The following METTL8 variants were observed in gnomAD, a reference collection of about 807,000 sequenced individuals.
METTL8 encodes tRNA N(3)-cytidine methyltransferase METTL8, mitochondrial.
In METTL8, 32 loss-of-function variants were observed where a neutral mutation model predicts 48.7. The observed-to-expected ratio is 0.66, with a 90% CI of 0.50 to 0.88. The LOEUF is 0.88. Ranked by LOEUF, METTL8 falls within the 40% of genes least tolerant of loss-of-function variation. METTL8 has a pLI of 0.00. For missense variants in METTL8, 464 were observed against 474.4 expected (o/e 0.98, Z 0.20); for synonymous variants, 136 against 157.1 (o/e 0.87, Z 1.01).
chr2:171,358,610 G>A (rs1272332467), intron 3 of METTL8, among the ~76,000 whole-genome samples: 1 of 152,106 alleles, frequency 6.6e-6, no homozygotes, highest in African/African-American at 2.4e-5. Flanking sequence ...AAAACTGTAA[G>A]CAGAAGAATG....
chr2:171,358,090 C>T (rs966347928), intron 3 of METTL8, among the ~76,000 whole-genome samples: 1 of 152,088 alleles, frequency 6.6e-6, no homozygotes, highest in African/African-American at 2.4e-5. Context: ...GTGGCTCACA[C>T]CTGTAATCCC....
intron 5 of METTL8, among the ~76,000 whole-genome samples, chr2:171,333,167 C>T (rs533703244): frequency 4.6e-5 from 7 of 150,828 alleles, no homozygotes; most frequent in Admixed American, 1.3e-4. Flanking sequence ...GGTGCAATCT[C>T]GGCTCACTGC....
rs1011628774 is a variant in METTL8, at chr2:171,320,031, A to G, written c.*4141T>C. Reference sequence around the variant, plus strand: ...GATGTGAGGGGTAAATTAGAATTTCATGCAGTTATCAAATATTTTAAACTA... The same window carrying G: ...GATGTGAGGGGTAAATTAGAATTTCGTGCAGTTATCAAATATTTTAAACTA... On this transcript the variant is annotated 3_prime_UTR_variant, in exon 10 of 10. Coordinates refer to ENST00000375258, the MANE Select transcript of METTL8 (RefSeq NM_001321154.2). 2 of 152,176 alleles carry G rather than the reference A, an allele frequency of 1.3e-5. No homozygotes were observed. Among genetic ancestry groups the G allele is most frequent in the African/African-American group, 4.8e-5 (2 of 41,442 alleles). The allele number at this position is 152,176 out of a possible 1,614,324, so 9.4% of individuals were successfully genotyped here.
chr2:171,366,213 A>G (rs1685701929), intron 2 of METTL8, among the ~76,000 whole-genome samples: 1 of 152,214 alleles, frequency 6.6e-6, no homozygotes, highest in Non-Finnish European at 1.5e-5. Context: ...GCTTGGTGAC[A>G]TTGGAGTTCT....
chr2:171,355,131 G>A (rs1044029393), intron 3 of METTL8, among the ~76,000 whole-genome samples: 7 of 152,134 alleles, frequency 4.6e-5, no homozygotes, highest in Non-Finnish European at 7.4e-5. Flanking sequence ...TCATGGTGAC[G>A]TACAGATGGG....
At chr2:171,352,851 TTC>T (rs1684091412) in intron 3 of METTL8, among the ~76,000 whole-genome samples, 1 of 152,254 alleles carries the variant, frequency 6.6e-6, no homozygotes. Context: ...TGTTTGATTC[TTC>T]TCTCTTTTCT....
At chr2:171,349,298 G>T (rs1683621468) in intron 3 of METTL8, among the ~76,000 whole-genome samples, 1 of 152,106 alleles carries the variant, frequency 6.6e-6, no homozygotes, top group African/African-American at 2.4e-5. Context: ...GGATTAAGAG[G>T]CAATTGTCCT....
chr2:171,342,561 A>G (rs754293816), intron 3 of METTL8, among the ~76,000 whole-genome samples: 5 of 152,192 alleles, frequency 3.3e-5, no homozygotes, highest in Non-Finnish European at 7.3e-5. Flanking sequence ...GAGAAATTAT[A>G]AAAGAGTCAA....
intron 5 of METTL8, among the ~76,000 whole-genome samples, chr2:171,335,891 T>C (rs920411987): frequency 3.9e-5 from 6 of 152,186 alleles, no homozygotes; most frequent in African/African-American, 1.4e-4. Flanking sequence ...TTCTGCAACG[T>C]GCTAATGCTG....
intron 2 of METTL8, among the ~76,000 whole-genome samples, chr2:171,383,683 T>C (rs939873916): frequency 1.3e-5 from 2 of 152,318 alleles, no homozygotes; most frequent in South Asian, 2.1e-4. Context: ...ACCAAGAACA[T>C]TGTGAATAAG....
chr2:171,402,564 G>GTT (rs544659892), intron 1 of METTL8, among the ~76,000 whole-genome samples: 127 of 152,118 alleles, frequency 8.3e-4, no homozygotes, highest in Admixed American at 3.1e-3. Flanking sequence ...ATATACATAC[G>GTT]TTATATATAG....
intron 5 of METTL8, among the ~76,000 whole-genome samples, chr2:171,336,932 C>T (rs569415823): frequency 7.2e-5 from 10 of 139,734 alleles, no homozygotes; most frequent in African/African-American, 2.7e-4. Flanking sequence ...TGCAATGGCG[C>T]AGTCGGGTCA....
intron 2 of METTL8, among the ~76,000 whole-genome samples, chr2:171,386,004 C>T (rs1688014942): frequency 6.6e-6 from 1 of 152,194 alleles, no homozygotes; most frequent in African/African-American, 2.4e-5. Context: ...TACCTCTAGA[C>T]CTACTGAAAT....
At chr2:171,404,041 C>T (rs1689902658) in intron 1 of METTL8, among the ~76,000 whole-genome samples, 1 of 97,138 alleles carries the variant, frequency 1.0e-5, no homozygotes, top group Non-Finnish European at 1.9e-5. Context: ...CCTATACATA[C>T]TATGCTTTCT....
intron 2 of METTL8, among the ~76,000 whole-genome samples, chr2:171,367,757 G>A (rs1243073204): frequency 5.3e-5 from 8 of 152,154 alleles, no homozygotes; most frequent in Admixed American, 5.2e-4. Context: ...AAATGTTGGA[G>A]GGATGACAAG....
rs577608432 is a variant in METTL8 at position 171,322,872 on chromosome 2, T to G, written c.*1300A>C. ...TATATGCTACACAAGGGGTGGATTA[T>G]TCAGGCCTCCCCTTTGTAGACCATA... On this transcript the variant is annotated 3_prime_UTR_variant, in exon 10 of 10. Transcript: ENST00000375258. The G allele has an allele frequency of 2.0e-5, 3 of 152,384 alleles. No individual in the cohort carries two copies. The highest frequency in any genetic ancestry group is 7.2e-5 in the African/African-American group (3 of 41,588). 9.4% of individuals were successfully genotyped at this position (152,384 alleles called of 1,614,324 possible). A position where few individuals can be genotyped will look rare whatever the true frequency, so the allele number is the denominator to read the frequency against.
chr2:171,331,911 G>GCAAGACCCT, intron 5 of METTL8, 44 bp from the exon 6 acceptor site: 1 of 1,427,264 alleles, frequency 7.0e-7, no homozygotes, highest in Non-Finnish European at 9.7e-7. Flanking sequence ...TTGGAGACAG[G>GCAAGACCCT]GTCTTGCGCT....
At chr2:171,415,709 T>C (rs1321920839) in intron 1 of METTL8, among the ~76,000 whole-genome samples, 2 of 152,132 alleles carry the variant, frequency 1.3e-5, no homozygotes, top group Non-Finnish European at 2.9e-5. Flanking sequence ...AATATAAAAA[T>C]ATTTTAAAAT....
chr2:171,384,654 A>AC (rs1687875132), intron 2 of METTL8, among the ~76,000 whole-genome samples: 1 of 151,740 alleles, frequency 6.6e-6, no homozygotes. Context: ...ACATAGTGAG[A>AC]CCCCACCTCT....
Sources: gnomAD v4.1 joint callset for allele counts (sites outside exome capture counted in the v4.1 genomes callset) on GRCh38, gnomAD v4.1.1 for gene constraint, MANE v1.5 for transcripts, NCBI Gene and HGNC (gene_info 2026-07-23, HGNC 2026-07-21) for gene names.